Variants in COL25A1 observed in about 807,000 individuals in gnomAD.
COL25A1 encodes the protein collagen alpha-1(XXV) chain.
In COL25A1, 103 loss-of-function variants were observed where a neutral mutation model predicts 128.4. The observed-to-expected ratio is 0.80, with a 90% CI of 0.68 to 0.94. The LOEUF (loss-of-function observed/expected upper bound fraction) is 0.94. Among genes scored for constraint, COL25A1 ranks in the 40% least tolerant of loss-of-function variants. COL25A1 has a pLI of 0.00. For missense variants in COL25A1, 745 were observed against 840.0 expected (o/e 0.89, Z 1.40); for synonymous variants, 279 against 277.2 (o/e 1.01, Z -0.06).
At chr4:109,159,559 T>C (rs926830487) in intron 3 of COL25A1, among the ~76,000 whole-genome samples, 4 of 152,096 alleles carry the variant, frequency 2.6e-5, no homozygotes, top group South Asian at 4.2e-4. Context: ...TCCAAATAAC[T>C]GCAATGGCCA....
At chr4:108,946,177 T>C (rs1748730310) in intron 8 of COL25A1, among the ~76,000 whole-genome samples, 1 of 152,180 alleles carries the variant, frequency 6.6e-6, no homozygotes, top group Non-Finnish European at 1.5e-5. Flanking sequence ...GGAAAGGCTA[T>C]ATCTCCCCCT....
rs1560887047 is a variant in COL25A1, at chr4:109,218,357, G to GTTTTTTTTTTTTTTGTTTTTTTTTTTTT, written c.367+82225_367+82226insAAAAAAAAAAAAACAAAAAAAAAAAAAA. Among the ~76,000 whole-genome samples, 23 of 73,566 alleles carry GTTTTTTTTTTTTTTGTTTTTTTTTTTTT rather than the reference G, an allele frequency of 3.1e-4. 1 individual carries two copies. The highest frequency in any genetic ancestry group is 1.0e-3 in the Admixed American group (5 of 4,856). 48.3% of individuals were successfully genotyped at this position (73,566 alleles called of 152,430 possible). ...CAGAATCAATTGCTGGTTTTTTGGGGTTTTTTTTTTTTTTTTTTTTTTTTT... is the reference window on the plus strand; with the variant it reads ...CAGAATCAATTGCTGGTTTTTTGGGGTTTTTTTTTTTTTTGTTTTTTTTTTTTTTTTTTTTTTTTTTTTTTTTTTTTTT... On this transcript the variant is annotated intron_variant, in intron 3 of 37. Coordinates refer to ENST00000399132, the MANE Select transcript of COL25A1 (RefSeq NM_198721.4).
intron 19 of COL25A1, among the ~76,000 whole-genome samples, chr4:108,869,995 G>A (rs1020909358): frequency 4.6e-5 from 7 of 152,308 alleles, no homozygotes; most frequent in African/African-American, 1.7e-4. Flanking sequence ...GCTCACACCT[G>A]TAATCCCAGT....
intron 13 of COL25A1, among the ~76,000 whole-genome samples, chr4:108,914,086 G>A (rs1276659255): frequency 1.3e-5 from 2 of 152,120 alleles, no homozygotes; most frequent in Non-Finnish European, 2.9e-5. Context: ...ATATTTTTAG[G>A]TAGGATTTGC....
At chr4:109,265,206 G>A (rs780048249) in intron 3 of COL25A1, among the ~76,000 whole-genome samples, 10 of 152,158 alleles carry the variant, frequency 6.6e-5, no homozygotes, top group Non-Finnish European at 1.0e-4. Context: ...CAAACCGTGA[G>A]CTATATCTGT....
intron 3 of COL25A1, among the ~76,000 whole-genome samples, chr4:109,211,857 A>ATG (rs1777587289): frequency 3.3e-5 from 5 of 152,216 alleles, no homozygotes; most frequent in Admixed American, 3.3e-4. Context: ...ATGTTGACCA[A>ATG]TGTGTAATAT....
At chr4:109,035,709 A>G (rs1004744848) in intron 5 of COL25A1, among the ~76,000 whole-genome samples, 1 of 152,082 alleles carries the variant, frequency 6.6e-6, no homozygotes, top group Non-Finnish European at 1.5e-5. Flanking sequence ...AAATCTACAC[A>G]TAGGAAACTT....
rs1462512201 is a variant in COL25A1 at position 108,884,330 on chromosome 4, T to C, written c.976-108A>G. ...GCTCAATACTTTCTGCAAAGATAAA[T>C]AAAAAAACCGTCTACTTTCAAAAAC... On this transcript the variant is annotated intron_variant, in intron 18 of 37. Coordinates refer to ENST00000399132, the MANE Select transcript of COL25A1 (RefSeq NM_198721.4). 3.0e-6 allele frequency: 3 copies of C among 1,014,398 alleles called. No homozygotes were observed. In the East Asian group the frequency reaches 7.6e-5, roughly 26 times the overall value. 62.8% of individuals were successfully genotyped at this position (1,014,398 alleles called of 1,614,324 possible).
intron 3 of COL25A1, among the ~76,000 whole-genome samples, chr4:109,178,515 C>CTGTA (rs1233842519): frequency 6.6e-6 from 1 of 152,070 alleles, no homozygotes; most frequent in East Asian, 1.9e-4. Context: ...CTGTAAGCCT[C>CTGTA]AGTTTTCTCA....
chr4:109,277,909 G>A (rs917697122), intron 3 of COL25A1, among the ~76,000 whole-genome samples: 1 of 152,122 alleles, frequency 6.6e-6, no homozygotes, highest in African/African-American at 2.4e-5. Context: ...GCCGAGGCAG[G>A]TGGATCACCA....
intron 14 of COL25A1, among the ~76,000 whole-genome samples, chr4:108,899,680 A>C (rs1742586174): frequency 6.6e-6 from 1 of 152,046 alleles, no homozygotes; most frequent in Non-Finnish European, 1.5e-5. Context: ...AATAGTCCTA[A>C]TCTTGAACCC....
chr4:109,155,818 A>C (rs1309283742), intron 3 of COL25A1, among the ~76,000 whole-genome samples: 1 of 152,256 alleles, frequency 6.6e-6, no homozygotes, highest in Non-Finnish European at 1.5e-5. Context: ...GCCAGATATG[A>C]TTCATAAACA....
intron 3 of COL25A1, among the ~76,000 whole-genome samples, chr4:109,285,344 T>G (rs1723773337): frequency 6.6e-6 from 1 of 152,160 alleles, no homozygotes; most frequent in East Asian, 1.9e-4. Context: ...TCTAACAAAT[T>G]GTCCAAAATT....
intron 31 of COL25A1, among the ~76,000 whole-genome samples, 166 bp downstream of exon 31, chr4:108,841,529 T>C (rs1019127831): frequency 9.9e-5 from 15 of 152,222 alleles, no homozygotes; most frequent in Admixed American, 4.6e-4. Context: ...AAATTTGTTA[T>C]AAGTCATTTT....
At chr4:109,186,003 C>T (rs1282901949) in intron 3 of COL25A1, among the ~76,000 whole-genome samples, 4 of 152,174 alleles carry the variant, frequency 2.6e-5, no homozygotes, top group Non-Finnish European at 5.9e-5. Flanking sequence ...GTTGTGGCAG[C>T]GTGGGCAAAC....
chr4:108,918,075 G>A lies in COL25A1; in HGVS notation c.780+97C>T, dbSNP rs368134821. ...ATTTCAAAACATAGTGTTTTTATAA[G>A]CATATAAGCTTATTACTAACATTAT... On this transcript the variant is annotated intron_variant, in intron 13 of 37. Coordinates refer to ENST00000399132, the MANE Select transcript of COL25A1 (RefSeq NM_198721.4). 14 of 599,034 alleles carry A rather than the reference G, an allele frequency of 2.3e-5. 1 individual carries two copies. Among genetic ancestry groups the A allele is most frequent in the African/African-American group, 1.7e-4 (9 of 52,006 alleles). 37.1% of individuals were successfully genotyped at this position (599,034 alleles called of 1,614,324 possible).
At chr4:108,874,095 G>A (rs1480134936) in intron 19 of COL25A1, among the ~76,000 whole-genome samples, 1 of 152,192 alleles carries the variant, frequency 6.6e-6, no homozygotes, top group Non-Finnish European at 1.5e-5. Flanking sequence ...CACAATTTCT[G>A]TTAACCAGGG....
chr4:109,083,809 G>A (rs1222172759), intron 3 of COL25A1, among the ~76,000 whole-genome samples: 1 of 151,998 alleles, frequency 6.6e-6, no homozygotes, highest in Non-Finnish European at 1.5e-5. Flanking sequence ...GAGTAGGCAG[G>A]TTTCTGTAAT....
chr4:109,177,112 A>C (rs528749891), intron 3 of COL25A1, among the ~76,000 whole-genome samples: 2 of 152,348 alleles, frequency 1.3e-5, no homozygotes, highest in East Asian at 3.9e-4. Context: ...ATATGCAAAC[A>C]CACAAAATCA....
Sources: allele counts gnomAD v4.1 joint callset (sites outside exome capture counted in the v4.1 genomes callset), GRCh38; gene constraint gnomAD v4.1.1; transcripts MANE v1.5; gene names NCBI Gene and HGNC (gene_info 2026-07-23, HGNC 2026-07-21).